MDN1: variants seen among roughly 807,000 people sequenced by gnomAD.
The protein encoded by MDN1 is midasin.
Under a neutral mutation model 669.2 loss-of-function variants are expected in MDN1, and 266 were observed. That is an observed-to-expected ratio of 0.40 (90% CI 0.36 to 0.44). The LOEUF is 0.44. MDN1 is among the 20% of genes least tolerant of loss of function. MDN1 has a pLI of 1.00. For synonymous variants in MDN1, 2,385 were observed against 2,457.1 expected (o/e 0.97, Z 0.87); for missense variants, 5,940 against 6,754.0 (o/e 0.88, Z 4.22).
At chr6:89,753,460 T>C (rs1817065580) in intron 22 of MDN1, 52 bp downstream of exon 22, 5 of 1,352,952 alleles carry the variant, frequency 3.7e-6, no homozygotes, top group Non-Finnish European at 4.1e-6. Flanking sequence ...GCTGAAAATT[T>C]GGTAATTCAG....
intron 36 of MDN1, among the ~76,000 whole-genome samples, 164 bp downstream of exon 36, chr6:89,728,767 T>C (rs1201739536): frequency 6.6e-6 from 1 of 152,060 alleles, no homozygotes; most frequent in Non-Finnish European, 1.5e-5. Flanking sequence ...CACTCCAGCC[T>C]GGGCAACAGA....
At chr6:89,781,689 T>G (rs2128324652) in intron 9 of MDN1, 97 bp from the exon 10 acceptor site, 2 of 1,098,490 alleles carry the variant, frequency 1.8e-6, no homozygotes, top group Non-Finnish European at 2.6e-6. Context: ...AAAAATTGTA[T>G]TTCTCTATGA....
intron 1 of MDN1, among the ~76,000 whole-genome samples, chr6:89,806,910 A>G (rs2128330259): frequency 6.6e-6 from 1 of 152,070 alleles, no homozygotes; most frequent in East Asian, 1.9e-4. Context: ...ACAGAATGAG[A>G]CTCTCTTAAA....
intron 72 of MDN1, 52 bp downstream of exon 72, chr6:89,683,778 CA>C (rs1811811273): frequency 7.1e-7 from 1 of 1,410,500 alleles, no homozygotes; most frequent in Admixed American, 1.7e-5. Flanking sequence ...TGCTCCCTAC[CA>C]CACAAAATTC....
chr6:89,788,778 A>T (rs748816362), intron 7 of MDN1, among the ~76,000 whole-genome samples: 3 of 152,244 alleles, frequency 2.0e-5, no homozygotes, highest in Admixed American at 6.5e-5. Flanking sequence ...AAGGCAAGAG[A>T]GATAGGTAGA....
chr6:89,745,337 G>GTC lies in MDN1; in HGVS notation c.4112_4113dup (p.Leu1372AspfsTer5). ...AATGCCCTTCCCACTAGCATCGCGA[G>GTC]TCTCCGCATGCCCTCAGTCCACACG... On this transcript the variant is annotated frameshift_variant, in exon 29 of 102. Transcript: ENST00000369393. LOFTEE classifies it high-confidence loss of function. The GTC allele has an allele frequency of 6.2e-7, 1 of 1,613,972 alleles. No homozygotes were observed. The highest frequency in any genetic ancestry group is 8.5e-7 in the Non-Finnish European group (1 of 1,179,968).
chr6:89,787,921 G>C lies in MDN1; in HGVS notation c.1267C>G (p.Leu423Val), dbSNP rs1268326789. 1 of 1,613,616 alleles carries C rather than the reference G, an allele frequency of 6.2e-7. No homozygotes were observed. Among genetic ancestry groups the C allele is most frequent in the Admixed American group, 1.7e-5 (1 of 59,950 alleles). The change falls in exon 8 of 102, where the codon CTC becomes GTC. Residue 423 changes from leucine to valine, a missense_variant. Around this residue, in one of 5 missense-constraint regions of MDN1, gnomAD observed 1,203 missense variants for 1,268.9 expected, o/e 0.95. Coordinates refer to ENST00000369393, the MANE Select transcript of MDN1 (RefSeq NM_014611.3). Reference protein sequence around the residue: ...VLIPLLENGELLIPGRGDCLK... With the variant: ...VLIPLLENGEVLIPGRGDCLK... The stretch of plus-strand genomic sequence containing the variant: ...CAGTCACCTCGGCCAGGAATCAAGA[G>C]CTCTCCATTCTCCAAGAGAGGGATC...
intron 40 of MDN1, 143 bp downstream of exon 40, chr6:89,722,812 C>CTCCA (rs1814929749): frequency 5.4e-6 from 4 of 735,256 alleles, no homozygotes; most frequent in Non-Finnish European, 6.4e-6. Context: ...TGCCATTGCA[C>CTCCA]TCCAGCCTGG....
At chr6:89,672,437 A>G (rs1280691192) in intron 81 of MDN1, 74 bp from the exon 82 acceptor site, 29 of 1,593,846 alleles carry the variant, frequency 1.8e-5, no homozygotes, top group Non-Finnish European at 2.5e-5. Context: ...CTATCCATGC[A>G]GTTATCTGTT....
chr6:89,693,134 C>T lies in MDN1; in HGVS notation c.9896G>A (p.Arg3299Lys), dbSNP rs141679523. 53 of 1,588,448 alleles carry T rather than the reference C, an allele frequency of 3.3e-5. No individual in the cohort carries two copies. Among genetic ancestry groups the T allele is most frequent in the Middle Eastern group, 1.7e-4 (1 of 5,936 alleles). ...GGTTAAATTATCCAGCCGATCCATCCTTTGGCGAAGCAGCCTAACGGGAAA... is the reference window on the plus strand; with the variant it reads ...GGTTAAATTATCCAGCCGATCCATCTTTTGGCGAAGCAGCCTAACGGGAAA... ...SHPHVRLLRQRMDRLDNLTCH... is the reference protein window; with the variant it reads ...SHPHVRLLRQKMDRLDNLTCH... The change falls in exon 63 of 102, where the codon AGG becomes AAG. Residue 3299 changes from arginine (R) to lysine (K), a missense_variant. Coordinates refer to ENST00000369393, the MANE Select transcript of MDN1 (RefSeq NM_014611.3).
At chr6:89,748,065 A>G (rs571780253) in intron 26 of MDN1, among the ~76,000 whole-genome samples, 13 of 148,848 alleles carry the variant, frequency 8.7e-5, no homozygotes, top group South Asian at 8.5e-4. Flanking sequence ...AGTGGCTCAC[A>G]CCTGTAATCC....
intron 66 of MDN1, 33 bp downstream of exon 66, chr6:89,688,540 C>T: frequency 6.3e-7 from 1 of 1,588,850 alleles, no homozygotes; most frequent in Non-Finnish European, 8.6e-7. Context: ...AGACTCAGTA[C>T]TGTGAGCACT....
intron 9 of MDN1, among the ~76,000 whole-genome samples, chr6:89,784,402 A>G (rs1818845701): frequency 6.6e-6 from 1 of 152,230 alleles, no homozygotes. Context: ...TAAAGGGAAA[A>G]GCATCTCTTC....
At chr6:89,689,789 G>A in intron 65 of MDN1, 81 bp downstream of exon 65, 1 of 1,463,032 alleles carries the variant, frequency 6.8e-7, no homozygotes, top group Non-Finnish European at 9.3e-7. Flanking sequence ...ATTCATGAGT[G>A]TGATTGTTAC....
chr6:89,704,226 C>T (rs1433406301), intron 53 of MDN1, among the ~76,000 whole-genome samples: 1 of 151,616 alleles, frequency 6.6e-6, no homozygotes, highest in African/African-American at 2.4e-5. Flanking sequence ...ACTAAAAATA[C>T]AAAAATTACC....
chr6:89,685,849 C>T lies in MDN1; in HGVS notation c.11697G>A (p.Leu3899=). Residue 3899 remains leucine, a synonymous_variant, in exon 70 of 102, where the codon CTG becomes CTA. Transcript: ENST00000369393. ...CACCCTTTCCTTCAACCTGTGGCAT[C>T]AGCAAGACATGACAATGGAAAACCA... ...MLLVFHCHVL[L]MPQVEGKDSL... The T allele has an allele frequency of 6.2e-7, 1 of 1,613,816 alleles. No individual in the cohort carries two copies. Among genetic ancestry groups the T allele is most frequent in the Non-Finnish European group, 8.5e-7 (1 of 1,179,968 alleles).
chr6:89,819,731 C>G lies in MDN1; in HGVS notation c.-124G>C, dbSNP rs996615360. ...ACGCCCGCAGGAAAGGCGTCCTCAG[C>G]TCCAGCGCCTACACCGGGAGAGGGG... On this transcript the variant is annotated 5_prime_UTR_variant, in exon 1 of 102. Coordinates refer to ENST00000369393, the MANE Select transcript of MDN1 (RefSeq NM_014611.3). 3 of 732,514 alleles carry G rather than the reference C, an allele frequency of 4.1e-6. No homozygotes were observed. In the African/African-American group the frequency reaches 5.2e-5, roughly 13 times the overall value. The allele number at this position is 732,514 out of a possible 1,614,324, so 45.4% of individuals were successfully genotyped here.
intron 68 of MDN1, 73 bp downstream of exon 68, chr6:89,687,271 A>G (rs1812077989): frequency 1.4e-6 from 2 of 1,392,386 alleles, no homozygotes; most frequent in Admixed American, 2.0e-5. Flanking sequence ...TATAAATCCT[A>G]AAGAAATTTA....
Position 89,699,616 on chromosome 6 carries a change from C to G in MDN1, c.8982G>C (p.Leu2994Phe). Residue 2994 changes from leucine (L) to phenylalanine (F), a missense_variant, in exon 58 of 102, where the codon TTG becomes TTC. Physicochemically the swap from Leu to Phe is conservative, Grantham distance 22. Around this residue, in one of 5 missense-constraint regions of MDN1, gnomAD observed 2,292 missense variants for 2,638.3 expected, o/e 0.87. Transcript: ENST00000369393. ...TPQELRDLWSLLHHQKVSPEE... is the reference protein window; with the variant it reads ...TPQELRDLWSFLHHQKVSPEE... Reference sequence around the variant, plus strand: ...TGATTTTTACCTTCTGATGATGCAGCAAGGACCACAGATCTCGAAGCTCTT... The same window carrying G: ...TGATTTTTACCTTCTGATGATGCAGGAAGGACCACAGATCTCGAAGCTCTT... The G allele has an allele frequency of 6.2e-7, 1 of 1,613,048 alleles. No individual in the cohort carries two copies. Among genetic ancestry groups the G allele is most frequent in the Non-Finnish European group, 8.5e-7 (1 of 1,179,566 alleles).
Sources: gnomAD v4.1 joint callset for allele counts (sites outside exome capture counted in the v4.1 genomes callset) on GRCh38, gnomAD v4.1.1 for gene constraint, gnomAD v4.1.1 regional missense constraint, MANE v1.5 for transcripts, NCBI Gene and HGNC (gene_info 2026-07-23, HGNC 2026-07-21) for gene names.